MOXD1: variants seen among roughly 807,000 people sequenced by gnomAD.
MOXD1 encodes monooxygenase DBH like 1.
Under a neutral mutation model 66.6 loss-of-function variants are expected in MOXD1, and 62 were observed. That is an observed-to-expected ratio of 0.93 (90% confidence interval 0.76 to 1.15). The LOEUF (loss-of-function observed/expected upper bound fraction) is 1.15. MOXD1 is among the 50% of genes most tolerant of loss of function. The pLI is 0.00. For synonymous variants in MOXD1, 303 were observed against 281.9 expected (o/e 1.07, Z -0.75); for missense variants, 847 against 754.6 (o/e 1.12, Z -1.44).
intron 10 of MOXD1, among the ~76,000 whole-genome samples, chr6:132,310,564 C>T (rs1774805554): frequency 6.6e-6 from 1 of 152,124 alleles, no homozygotes; most frequent in Non-Finnish European, 1.5e-5. Flanking sequence ...TATTGCAGCA[C>T]TATTTACAAT....
At chr6:132,398,280 A>T (rs1191024567) in intron 1 of MOXD1, among the ~76,000 whole-genome samples, 1 of 152,234 alleles carries the variant, frequency 6.6e-6, no homozygotes, top group Non-Finnish European at 1.5e-5. Context: ...CCTGATCGAT[A>T]AAAATTTACA....
At chr6:132,335,834 T>C (rs566200598) in intron 4 of MOXD1, among the ~76,000 whole-genome samples, 1 of 152,356 alleles carries the variant, frequency 6.6e-6, no homozygotes, top group African/African-American at 2.4e-5. Context: ...TGACACGAAC[T>C]CATCAACTCA....
intron 1 of MOXD1, among the ~76,000 whole-genome samples, chr6:132,383,075 C>T (rs895182930): frequency 1.3e-5 from 2 of 152,128 alleles, no homozygotes; most frequent in African/African-American, 2.4e-5. Context: ...AAAATGTTAC[C>T]ATCTGTCATC....
At chr6:132,337,519 C>T (rs2114601481) in intron 4 of MOXD1, among the ~76,000 whole-genome samples, 1 of 152,314 alleles carries the variant, frequency 6.6e-6, no homozygotes, top group East Asian at 1.9e-4. Context: ...CAATATCTTT[C>T]TCCCTTGCTT....
Position 132,326,266 on chromosome 6 carries a change from T to A in MOXD1, c.946+1747A>T, listed in dbSNP as rs1775186448. On this transcript the variant is annotated intron_variant, in intron 6 of 11. Coordinates refer to ENST00000367963, the MANE Select transcript of MOXD1 (RefSeq NM_015529.4). ...TACTATAATCTAAAATTTGGTCTAA[T>A]TATGTACATGAATAAAAATAGAAAG... 2.6e-5 allele frequency among the ~76,000 whole-genome samples: 4 copies of A among 152,058 alleles called. No homozygotes were observed. In the South Asian group the frequency reaches 8.3e-4, roughly 32 times the overall value.
intron 4 of MOXD1, among the ~76,000 whole-genome samples, chr6:132,342,009 T>C (rs1036978344): frequency 1.3e-5 from 2 of 152,174 alleles, no homozygotes; most frequent in African/African-American, 4.8e-5. Context: ...AATCAGCTTT[T>C]TTTTTTTCTT....
At chr6:132,391,761 T>G (rs1176335880) in intron 1 of MOXD1, 2 of 153,774 alleles carry the variant, frequency 1.3e-5, no homozygotes, top group Non-Finnish European at 2.9e-5. Context: ...TCTAGAAATA[T>G]GCCATTGGTT....
In MOXD1 at chr6:132,315,660, C is replaced by T; in HGVS notation, c.1483G>A (p.Val495Ile). 1.2e-6 allele frequency: 2 copies of T among 1,613,080 alleles called. No homozygotes were observed. The highest frequency in any genetic ancestry group is 1.7e-6 in the Non-Finnish European group (2 of 1,179,496). Reference protein sequence around the residue: ...DIMEQLQFIGVKEIYRPVTTW... With the variant: ...DIMEQLQFIGIKEIYRPVTTW... ...GTGACTGGTCTGTAGATCTCCTTAA[C>T]CCCAATGAACTGAAGTTGTTCCATA... The change falls in exon 10 of 12, where the codon GTT becomes ATT. Residue 495 changes from valine to isoleucine, a missense_variant. Transcript: ENST00000367963.
At chr6:132,334,758 T>C (rs1775401514) in intron 4 of MOXD1, among the ~76,000 whole-genome samples, 2 of 152,150 alleles carry the variant, frequency 1.3e-5, no homozygotes, top group African/African-American at 4.8e-5. Flanking sequence ...AGGGCAGAGC[T>C]GGGGGGATAG....
chr6:132,330,913 C>T (rs967720815), intron 4 of MOXD1, among the ~76,000 whole-genome samples: 2 of 152,126 alleles, frequency 1.3e-5, no homozygotes, highest in African/African-American at 2.4e-5. Flanking sequence ...TGTTACATAG[C>T]GAGTCATGCC....
intron 4 of MOXD1, among the ~76,000 whole-genome samples, chr6:132,342,353 T>C (rs535725081): frequency 1.3e-5 from 2 of 152,372 alleles, no homozygotes; most frequent in East Asian, 1.9e-4. Flanking sequence ...GTCTAGCACA[T>C]AATTTGTTGT....
chr6:132,396,336 TA>T (rs1292388314), intron 1 of MOXD1, among the ~76,000 whole-genome samples: 3 of 151,520 alleles, frequency 2.0e-5, no homozygotes, highest in Non-Finnish European at 4.4e-5. Context: ...AATTCTGAAA[TA>T]AAATGGAAAC....
At chr6:132,399,132 T>G (rs1776964290) in intron 1 of MOXD1, among the ~76,000 whole-genome samples, 1 of 152,078 alleles carries the variant, frequency 6.6e-6, no homozygotes, top group African/African-American at 2.4e-5. Context: ...TTTATATTAT[T>G]TGGTGTATTT....
At chr6:132,385,524 C>T (rs1183644308) in intron 1 of MOXD1, among the ~76,000 whole-genome samples, 1 of 149,750 alleles carries the variant, frequency 6.7e-6, no homozygotes, top group Non-Finnish European at 1.5e-5. Context: ...CACTCCATTA[C>T]CCAGGCTGAA....
intron 4 of MOXD1, among the ~76,000 whole-genome samples, chr6:132,356,040 TAA>T (rs1021080332): frequency 1.3e-5 from 2 of 152,118 alleles, no homozygotes; most frequent in Non-Finnish European, 2.9e-5. Context: ...GCAAAATTAG[TAA>T]AGAGTGATTT....
intron 4 of MOXD1, among the ~76,000 whole-genome samples, chr6:132,337,086 G>C (rs1775456874): frequency 6.6e-6 from 1 of 152,208 alleles, no homozygotes. Flanking sequence ...AGGTTTGGCA[G>C]AGTTCGAACA....
At chr6:132,317,287 C>A (rs1247360412) in intron 9 of MOXD1, among the ~76,000 whole-genome samples, 1 of 152,098 alleles carries the variant, frequency 6.6e-6, no homozygotes, top group Non-Finnish European at 1.5e-5. Flanking sequence ...TTACTAATTG[C>A]AAAAACATGA....
rs1181779351 is a variant in MOXD1, at chr6:132,296,601, T to A, written c.*552A>T. ...ATAAACAAGGGAACCAGAGTGGGCA[T>A]CAACAAAAAGCATTGAGGTAAGGGG... On this transcript the variant is annotated 3_prime_UTR_variant, in exon 12 of 12. Transcript: ENST00000367963. 1.3e-5 allele frequency: 2 copies of A among 152,172 alleles called. No individual in the cohort carries two copies. Among genetic ancestry groups the A allele is most frequent in the Non-Finnish European group, 2.9e-5 (2 of 68,144 alleles). 9.4% of individuals were successfully genotyped at this position (152,172 alleles called of 1,614,324 possible).
chr6:132,369,179 A>T (rs1191705740), intron 4 of MOXD1, among the ~76,000 whole-genome samples: 2 of 152,004 alleles, frequency 1.3e-5, no homozygotes. Flanking sequence ...ACTATTCCCC[A>T]CTTGCAGTAA....
Sources: allele counts gnomAD v4.1 joint callset (sites outside exome capture counted in the v4.1 genomes callset), GRCh38; gene constraint gnomAD v4.1.1; transcripts MANE v1.5; gene names NCBI Gene and HGNC (gene_info 2026-07-23, HGNC 2026-07-21).